The following MGAM variants were observed in gnomAD, a reference collection of about 807,000 sequenced individuals.
The protein encoded by MGAM is maltase-glucoamylase, also known as alpha-1,4-glucosidase.
A neutral mutation model predicts 358.8 loss-of-function variants in MGAM; 253 were observed. The observed-to-expected ratio is 0.71, with a 90% CI of 0.64 to 0.78. MGAM has a LOEUF of 0.78. Among genes scored for constraint, MGAM ranks in the 30% least tolerant of loss-of-function variants. MGAM has a pLI of 0.00. For synonymous variants in MGAM, 1,105 were observed against 1,227.1 expected (o/e 0.90, Z 2.08); for missense variants, 3,080 against 3,432.6 (o/e 0.90, Z 2.57).
intron 1 of MGAM, among the ~76,000 whole-genome samples, chr7:141,997,626 A>G (rs1290839418): frequency 6.6e-6 from 1 of 152,168 alleles, no homozygotes; most frequent in Admixed American, 6.5e-5. Context: ...TGCTGGGCTC[A>G]AGGAGGAGTT....
chr7:141,988,771 A>G (rs1182862428), intron 2 of MGAM, among the ~76,000 whole-genome samples: 3 of 152,366 alleles, frequency 2.0e-5, no homozygotes, highest in East Asian at 1.9e-4. Flanking sequence ...TGAAGAGGAA[A>G]GGAGTAGAAG....
At chr7:142,105,770 T>G in intron 70 of MGAM, 44 bp from the exon 71 acceptor site, 2 of 1,487,788 alleles carry the variant, frequency 1.3e-6, no homozygotes, top group Non-Finnish European at 9.4e-7. Context: ...ATGCAGGAAA[T>G]TTCAACACCG....
Position 142,050,715 on chromosome 7 carries a change from A to G in MGAM, c.2656A>G (p.Ile886Val). 1 of 1,613,620 alleles carries G rather than the reference A, an allele frequency of 6.2e-7. No individual in the cohort carries two copies. The highest frequency in any genetic ancestry group is 1.1e-5 in the South Asian group (1 of 91,064). The change falls in exon 24 of 71, where the codon ATT (isoleucine) becomes GTT (valine). Residue 886 changes from isoleucine (I) to valine (V), a missense_variant. Ile to Val is a conservative substitution (Grantham distance 29). Around this residue, in one of 5 missense-constraint regions of MGAM, gnomAD observed 1,816 missense variants for 1,840.5 expected, o/e 0.99. Transcript: ENST00000475668. ...SVTQNRLEVN[I>V]SQSTYKDPNN... ...TTTGCAGAACCGCTTGGAGGTGAAT[A>G]TTTCACAATCAACCTACAAGGACCC... is the stretch of plus-strand genomic sequence containing the variant.
chr7:142,076,477 T>G (rs1353037285), intron 46 of MGAM, 182 bp from the exon 47 acceptor site: 2 of 859,270 alleles, frequency 2.3e-6, no homozygotes, highest in South Asian at 1.4e-5. Flanking sequence ...TTTTTATGAT[T>G]GTATCAAATT....
Position 142,038,538 on chromosome 7 carries a change from G to C in MGAM, c.2239G>C (p.Glu747Gln), listed in dbSNP as rs1427610672. 1.7e-5 allele frequency: 27 copies of C among 1,608,786 alleles called. No homozygotes were observed. Among genetic ancestry groups the C allele is most frequent in the Non-Finnish European group, 2.3e-5 (27 of 1,177,510 alleles). ...VARPLLHEFYEDNSTWDVHQQ... is the reference protein window; with the variant it reads ...VARPLLHEFYQDNSTWDVHQQ... ...TGTCTCTCTGGTTTTCAGGTTCTACGAGGACAACAGCACTTGGGATGTGCA... is the reference window on the plus strand; with the variant it reads ...TGTCTCTCTGGTTTTCAGGTTCTACCAGGACAACAGCACTTGGGATGTGCA... The change falls in exon 19 of 71, where the codon GAG becomes CAG. Residue 747 changes from glutamate (E) to glutamine (Q), a missense_variant. Around this residue, in one of 5 missense-constraint regions of MGAM, gnomAD observed 1,816 missense variants for 1,840.5 expected, o/e 0.99. Coordinates refer to ENST00000475668, the MANE Select transcript of MGAM (RefSeq NM_001365693.1).
Position 142,077,105 on chromosome 7 carries a change from A to C in MGAM, c.5493+279A>C, listed in dbSNP as rs560290231. 1.4e-4 allele frequency among the ~76,000 whole-genome samples: 20 copies of C among 146,052 alleles called. 3 individuals carry two copies. Among genetic ancestry groups the C allele is most frequent in the Non-Finnish European group, 2.8e-4 (18 of 64,462 alleles). ...TGCTTTTCCCAAAAATAGAATAATT[A>C]TGATGAGACCCAGGAACAGCAAAGT... is the stretch of plus-strand genomic sequence containing the variant. On this transcript the variant is annotated intron_variant, in intron 47 of 70. Transcript: ENST00000475668.
Position 142,022,399 on chromosome 7 carries a change from A to G in MGAM, c.842A>G (p.Lys281Arg). The change falls in exon 7 of 71, where the codon AAG becomes AGG. Residue 281 changes from lysine to arginine, a missense_variant. Physicochemically the swap from Lys to Arg is conservative, Grantham distance 26 (BLOSUM62 2). Transcript: ENST00000475668. ...HQQYRHDMNW[K>R]TWPIFNRDTT... ...CAGTATCGGCATGATATGAATTGGAAGACCTGGCCCATATTTAACAGAGAC... is the reference window on the plus strand; with the variant it reads ...CAGTATCGGCATGATATGAATTGGAGGACCTGGCCCATATTTAACAGAGAC... The G allele has an allele frequency of 6.2e-7, 1 of 1,613,762 alleles. No homozygotes were observed. Among genetic ancestry groups the G allele is most frequent in the South Asian group, 1.1e-5 (1 of 91,072 alleles).
chr7:142,007,677 C>T (rs1554452890), intron 2 of MGAM, among the ~76,000 whole-genome samples: 1 of 152,100 alleles, frequency 6.6e-6, no homozygotes, highest in Non-Finnish European at 1.5e-5. Flanking sequence ...TTTTAGGATA[C>T]AATAAAAATA....
At chr7:142,000,178 T>C (rs1317011365) in intron 1 of MGAM, among the ~76,000 whole-genome samples, 1 of 152,116 alleles carries the variant, frequency 6.6e-6, no homozygotes, top group Non-Finnish European at 1.5e-5. Context: ...AGGTCAGAAA[T>C]ATGGGGGTGA....
At chr7:142,005,959 T>A (rs1305786538) in intron 2 of MGAM, among the ~76,000 whole-genome samples, 1 of 152,002 alleles carries the variant, frequency 6.6e-6, no homozygotes, top group African/African-American at 2.4e-5. Context: ...AATACCCTTA[T>A]GTGAAAGGCA....
intron 2 of MGAM, among the ~76,000 whole-genome samples, chr7:141,990,534 A>G (rs1488731853): frequency 2.0e-5 from 3 of 152,170 alleles, no homozygotes; most frequent in Non-Finnish European, 4.4e-5. Flanking sequence ...TCTTGCTGAG[A>G]TGAGATGCTA....
chr7:142,061,925 T>C (rs1193490122), intron 34 of MGAM, among the ~76,000 whole-genome samples: 1 of 152,130 alleles, frequency 6.6e-6, no homozygotes, highest in Non-Finnish European at 1.5e-5. Flanking sequence ...AGTTAAAAAG[T>C]TGTATCTTGA....
chr7:142,083,380 A>T lies in MGAM; in HGVS notation c.6348A>T (p.Pro2116=). ...GVLDFYVFLG[P]TPELVTQQYT... Reference sequence around the variant, plus strand: ...TGGACTTTTATGTGTTCTTGGGGCCAACTCCAGAGCTTGTCACCCAGCAGT... The same window carrying T: ...TGGACTTTTATGTGTTCTTGGGGCCTACTCCAGAGCTTGTCACCCAGCAGT... Residue 2116 remains proline, a synonymous_variant, in exon 53 of 71, where the codon CCA becomes CCT. Transcript: ENST00000475668. 1.9e-6 allele frequency: 3 copies of T among 1,553,322 alleles called. 1 individual carries two copies. The highest frequency in any genetic ancestry group is 1.8e-6 in the Non-Finnish European group (2 of 1,130,980).
rs188320491 is a variant in MGAM at position 141,988,366 on chromosome 7, G to A, written c.-2-17163G>A. On this transcript the variant is annotated intron_variant, in intron 2 of 5. Transcript: ENST00000465654. ...TGTCACACAATGCAAAGTTGTTGTCGTTTTTTGTTTTGTTTTGAGACAGAG... is the reference window on the plus strand; with the variant it reads ...TGTCACACAATGCAAAGTTGTTGTCATTTTTTGTTTTGTTTTGAGACAGAG... Among the ~76,000 whole-genome samples the A allele has an allele frequency of 2.3e-3, 343 of 147,922 alleles. 4 individuals are homozygous for A. Among genetic ancestry groups the A allele is most frequent in the African/African-American group, 7.9e-3 (327 of 41,232 alleles).
chr7:142,078,507 T>G lies in MGAM; in HGVS notation c.5646+37T>G, dbSNP rs753183673. Reference sequence around the variant, plus strand: ...GATGGGGTTCATGTGCATGAAAATCTCCACACCTAATCTATAGTTTCTTAA... The same window carrying G: ...GATGGGGTTCATGTGCATGAAAATCGCCACACCTAATCTATAGTTTCTTAA... On this transcript the variant is annotated intron_variant, in intron 48 of 70. Transcript: ENST00000475668. The G allele has an allele frequency of 3.3e-6, 5 of 1,500,912 alleles. No individual in the cohort carries two copies. The East Asian group carries it at 9.3e-5, about 28-fold the overall frequency. 93.0% of individuals were successfully genotyped at this position (1,500,912 alleles called of 1,614,324 possible). A position where few individuals can be genotyped will look rare whatever the true frequency, so the allele number is the denominator to read the frequency against.
chr7:142,091,409 A>G (rs1178067727), intron 57 of MGAM, among the ~76,000 whole-genome samples: 1 of 146,314 alleles, frequency 6.8e-6, no homozygotes, highest in Non-Finnish European at 1.5e-5. Flanking sequence ...TTGTCATGTG[A>G]TTCTGAAATT....
At chr7:142,063,982 A>C (rs1411436049) in intron 36 of MGAM, among the ~76,000 whole-genome samples, 1 of 152,234 alleles carries the variant, frequency 6.6e-6, no homozygotes, top group African/African-American at 2.4e-5. Context: ...TCTTGGCTCC[A>C]GAAATTGTTC....
At chr7:142,064,776 A>G (rs1204392249) in intron 37 of MGAM, among the ~76,000 whole-genome samples, 1 of 152,184 alleles carries the variant, frequency 6.6e-6, no homozygotes, top group Non-Finnish European at 1.5e-5. Context: ...GGAAAGACTC[A>G]CATGGAGACA....
In MGAM at chr7:142,044,774, A is replaced by G. The variant is rs192633672; in HGVS notation, c.2499-3011A>G. Among the ~76,000 whole-genome samples the G allele has an allele frequency of 4.9e-3, 437 of 89,782 alleles. 23 individuals carry two copies. The highest frequency in any genetic ancestry group is 7.9e-3 in the Non-Finnish European group (375 of 47,524). 58.9% of individuals were successfully genotyped at this position (89,782 alleles called of 152,430 possible). On this transcript the variant is annotated intron_variant, in intron 21 of 70. Transcript: ENST00000475668. ...ATATATGATATATAATGTATATTAT[A>G]TACACGTGTAATATATGATATATAA...
Sources: allele counts gnomAD v4.1 joint callset (sites outside exome capture counted in the v4.1 genomes callset), GRCh38; gene constraint gnomAD v4.1.1; regional missense constraint gnomAD v4.1.1; transcripts MANE v1.5; gene names NCBI Gene and HGNC (gene_info 2026-07-23, HGNC 2026-07-21).